ST14: variants seen among roughly 807,000 people sequenced by gnomAD.
The protein encoded by ST14 is suppressor of tumorigenicity 14 protein.
A neutral mutation model predicts 96.5 loss-of-function variants in ST14; 40 were observed. The ratio of observed to expected loss-of-function variants is 0.41; its 90% confidence interval spans 0.32 to 0.54. The LOEUF (loss-of-function observed/expected upper bound fraction) is 0.54, where lower values mean the gene tolerates loss of function less well. Ranked by LOEUF, ST14 falls within the 20% of genes least tolerant of loss-of-function variation. ST14 has a pLI of 0.17. For missense variants in ST14, 1,066 were observed against 1,188.9 expected (o/e 0.90, Z 1.52); for synonymous variants, 506 against 492.1 (o/e 1.03, Z -0.37).
At chr11:130,198,011 C>A in intron 12 of ST14, 66 bp downstream of exon 12, 1 of 1,475,062 alleles carries the variant, frequency 6.8e-7, no homozygotes, top group East Asian at 2.5e-5. Context: ...TCCCATGGCC[C>A]TGCTGGCTGA....
chr11:130,192,018 G>A (rs1361055278), intron 7 of ST14, among the ~76,000 whole-genome samples: 1 of 152,186 alleles, frequency 6.6e-6, no homozygotes, highest in Non-Finnish European at 1.5e-5. Context: ...CAAAGCACCT[G>A]CATTACAGAA....
intron 16 of ST14, among the ~76,000 whole-genome samples, chr11:130,208,179 T>C (rs893031792): frequency 6.6e-6 from 1 of 152,230 alleles, no homozygotes; most frequent in Non-Finnish European, 1.5e-5. Flanking sequence ...AGATTAAAAA[T>C]GTATTCAAGG....
intron 1 of ST14, among the ~76,000 whole-genome samples, chr11:130,182,149 C>A (rs1298979431): frequency 6.6e-6 from 1 of 152,204 alleles, no homozygotes; most frequent in African/African-American, 2.4e-5. Flanking sequence ...TTCTTCCCTG[C>A]CTTCTTTATA....
intron 7 of ST14, 58 bp downstream of exon 7, chr11:130,190,752 G>A (rs1953289233): frequency 1.3e-6 from 2 of 1,506,972 alleles, no homozygotes; most frequent in South Asian, 1.3e-5. Context: ...CCTGTAGGGG[G>A]CCAGCTTCTT....
intron 16 of ST14, among the ~76,000 whole-genome samples, chr11:130,201,561 T>C (rs1010867848): frequency 6.6e-6 from 1 of 152,250 alleles, no homozygotes; most frequent in African/African-American, 2.4e-5. Context: ...CCAGCTTCGC[T>C]GGGTGCTTGA....
chr11:130,190,373 C>CCTGAGG, intron 6 of ST14, 81 bp from the exon 7 acceptor site: 2 of 1,590,848 alleles, frequency 1.3e-6, no homozygotes. Context: ...CTGAGGTCCA[C>CCTGAGG]ACCCACGGGG....
intron 9 of ST14, among the ~76,000 whole-genome samples, chr11:130,195,522 G>A (rs1227668582): frequency 1.3e-5 from 2 of 152,146 alleles, no homozygotes; most frequent in Admixed American, 1.3e-4. Flanking sequence ...TGCCGCTCAC[G>A]CCATCCCAGC....
Position 130,188,368 on chromosome 11 carries a change from C to T in ST14, c.241+95C>T, listed in dbSNP as rs551895402. On this transcript the variant is annotated intron_variant, in intron 2 of 18. Transcript: ENST00000278742. This position sits in a 1 kb window ranked among gnomAD's most constrained non-coding sequence, Gnocchi z 5.4. ...GACCCAGGGCCACCTACTGAGTACA[C>T]GAGGATCTCTTGGCCTCTCTGGAAC... The T allele has an allele frequency of 1.2e-4, 185 of 1,579,474 alleles. No homozygotes were observed. Among genetic ancestry groups the T allele is most frequent in the African/African-American group, 5.4e-4 (40 of 74,490 alleles).
intron 17 of ST14, 91 bp downstream of exon 17, chr11:130,208,775 G>A: frequency 3.4e-6 from 5 of 1,456,942 alleles, no homozygotes; most frequent in Non-Finnish European, 4.6e-6. Context: ...TCGGGGCGGG[G>A]GGCTGCTCCA....
intron 16 of ST14, among the ~76,000 whole-genome samples, chr11:130,204,178 G>C (rs958313107): frequency 6.6e-6 from 1 of 152,202 alleles, no homozygotes; most frequent in Admixed American, 6.5e-5. Flanking sequence ...TGAAGGCTGG[G>C]TCATAGATCG....
In ST14 at chr11:130,189,823, G is replaced by A. The variant is rs146934438; in HGVS notation, c.525G>A (p.Glu175=). The part of the protein sequence containing the change: ...LVEEAERVMA[E]ERVVMLPPRA... ...AGGAGGCCGAGCGCGTCATGGCCGA[G>A]GAGCGCGTAGTCATGCTGCCCCCGC... The change falls in exon 5 of 19, where the codon GAG becomes GAA. Residue 175 remains glutamate (E), a synonymous_variant. Transcript: ENST00000278742. 1.2e-5 allele frequency: 20 copies of A among 1,613,932 alleles called. No individual in the cohort carries two copies. The African/African-American group carries it at 1.6e-4, about 13-fold the overall frequency.
chr11:130,168,456 G>A (rs1953061173), intron 1 of ST14, among the ~76,000 whole-genome samples: 1 of 152,236 alleles, frequency 6.6e-6, no homozygotes, highest in South Asian at 2.1e-4. Context: ...TTCCACTGGA[G>A]CGTCTCCTGA....
chr11:130,197,842 A>AT lies in ST14; in HGVS notation c.1357dup (p.Cys453LeufsTer20). ...CCTCAGGCCTGCCTGTGCCCGCAGC[A>AT]TGCCCGGGGCAGTTCACGTGCCGCA... On this transcript the variant is annotated frameshift_variant and splice_region_variant, in exon 12 of 19. Transcript: ENST00000278742. LOFTEE classifies it high-confidence loss of function. 2.5e-6 allele frequency: 4 copies of AT among 1,569,446 alleles called. No homozygotes were observed. The highest frequency in any genetic ancestry group is 3.4e-6 in the Non-Finnish European group (4 of 1,160,790).
In ST14 at chr11:130,190,161, C is replaced by T; in HGVS notation, c.634+13C>T. On this transcript the variant is annotated intron_variant, in intron 6 of 18. Coordinates refer to ENST00000278742, the MANE Select transcript of ST14 (RefSeq NM_021978.4). ...AGGACCCAGGACAGTAAGTATCGTG[C>T]CCGCCTCCTCTTCTGGGTGGGGAAG... The T allele has an allele frequency of 1.9e-6, 3 of 1,614,196 alleles. No individual in the cohort carries two copies. Among genetic ancestry groups the T allele is most frequent in the South Asian group, 1.1e-5 (1 of 91,084 alleles).
intron 1 of ST14, among the ~76,000 whole-genome samples, chr11:130,175,373 CTCTCTCTCTTTCTT>C (rs1953126861): frequency 6.6e-6 from 1 of 151,684 alleles, no homozygotes; most frequent in South Asian, 2.1e-4. Flanking sequence ...CTCTCTTTCT[CTCTCTCTCTTTCTT>C]TTTGTTTTTG....
chr11:130,209,316 C>A, intron 17 of ST14, 126 bp from the exon 18 acceptor site: 1 of 1,290,250 alleles, frequency 7.8e-7, no homozygotes, highest in Non-Finnish European at 1.1e-6. Context: ...GCGGATTACC[C>A]GTTTGTCAGC....
At chr11:130,174,438 A>G (rs757055381) in intron 1 of ST14, among the ~76,000 whole-genome samples, 2 of 142,808 alleles carry the variant, frequency 1.4e-5, no homozygotes, top group Non-Finnish European at 3.0e-5. Context: ...TTGAACCCAA[A>G]TCTATCTGAC....
chr11:130,167,832 A>G (rs920936660), intron 1 of ST14, among the ~76,000 whole-genome samples: 4 of 151,964 alleles, frequency 2.6e-5, no homozygotes, highest in Admixed American at 6.6e-5. Flanking sequence ...CTCCTGCCTC[A>G]GCCTTCCAAG....
chr11:130,196,469 G>T (rs1472110704), intron 10 of ST14, 21 bp downstream of exon 10: 1 of 1,597,954 alleles, frequency 6.3e-7, no homozygotes, highest in South Asian at 1.1e-5. Flanking sequence ...GGGGGTATGG[G>T]GGCTGCCGGG....
Sources: allele counts gnomAD v4.1 joint callset (sites outside exome capture counted in the v4.1 genomes callset), GRCh38; gene constraint gnomAD v4.1.1; non-coding constraint Gnocchi (gnomAD v3.1); transcripts MANE v1.5; gene names NCBI Gene and HGNC (gene_info 2026-07-23, HGNC 2026-07-21).